VAMP7: variants seen among roughly 807,000 people sequenced by gnomAD.
VAMP7 encodes vesicle associated membrane protein 7, also known as vesicle-associated membrane protein 7.
Under a neutral mutation model 29.6 loss-of-function variants are expected in VAMP7, and 14 were observed. That is an observed-to-expected ratio of 0.47 (90% CI 0.31 to 0.74). The LOEUF (loss-of-function observed/expected upper bound fraction) is 0.74, where lower values mean the gene tolerates loss of function less well. Ranked by LOEUF, VAMP7 falls within the 30% of genes least tolerant of loss-of-function variation. VAMP7 has a pLI of 0.05. For missense variants in VAMP7, 223 were observed against 262.4 expected (o/e 0.85, Z 1.04); for synonymous variants, 95 against 88.1 (o/e 1.08, Z -0.44).
intron 1 of VAMP7, among the ~76,000 whole-genome samples, chrX:155,883,659 A>C (rs1363681501): frequency 6.6e-6 from 1 of 151,668 alleles, no homozygotes; most frequent in African/African-American, 2.4e-5. Context: ...ACCTCTGTTC[A>C]CACAGCATGT....
intron 5 of VAMP7, among the ~76,000 whole-genome samples, 177 bp downstream of exon 5, chrX:155,900,764 C>G (rs2066050652): frequency 6.6e-6 from 1 of 152,068 alleles, no homozygotes; most frequent in African/African-American, 2.4e-5. Context: ...TCTTCTTTGT[C>G]CTTGCAACTA....
At chrX:155,897,663 A>G (rs1049410820) in intron 3 of VAMP7, among the ~76,000 whole-genome samples, 1 of 152,138 alleles carries the variant, frequency 6.6e-6, no homozygotes, top group African/African-American at 2.4e-5. Context: ...CTTTTCAAAT[A>G]TACCACCACT....
At chrX:155,924,020 A>AT (rs1312103712) in intron 6 of VAMP7, among the ~76,000 whole-genome samples, 1 of 152,154 alleles carries the variant, frequency 6.6e-6, no homozygotes, top group Non-Finnish European at 1.5e-5. Flanking sequence ...TATATTTATA[A>AT]TTGAAGTGCT....
intron 5 of VAMP7, among the ~76,000 whole-genome samples, chrX:155,902,603 C>T (rs2066080843): frequency 6.6e-6 from 1 of 151,752 alleles, no homozygotes; most frequent in Non-Finnish European, 1.5e-5. Context: ...TGTCAAAGGC[C>T]TTTTCTGCAT....
intron 3 of VAMP7, among the ~76,000 whole-genome samples, chrX:155,896,172 A>C (rs910047391): frequency 6.6e-6 from 1 of 152,208 alleles, no homozygotes; most frequent in Admixed American, 6.5e-5. Context: ...TAGAGCAGCA[A>C]ATGTTAAGAA....
intron 5 of VAMP7, among the ~76,000 whole-genome samples, chrX:155,906,373 CTG>C (rs2066147629): frequency 6.6e-6 from 1 of 152,122 alleles, no homozygotes. Context: ...CCCCCTCACT[CTG>C]TTCATTGGCC....
chrX:155,939,390 ATTGGAAG>A (rs2066710270), intron 6 of VAMP7, among the ~76,000 whole-genome samples: 1 of 152,160 alleles, frequency 6.6e-6, no homozygotes, highest in Non-Finnish European at 1.5e-5. Flanking sequence ...AGCCTTTCTT[ATTGGAAG>A]TATAGAGAGG....
In VAMP7 at chrX:155,895,657, G is replaced by A. The variant is rs2065977713; in HGVS notation, c.181G>A (p.Val61Ile). ...LFHYICQDRIVYLCITDDDFE... is the reference protein window; with the variant it reads ...LFHYICQDRIIYLCITDDDFE... ...TCATTACATCTGCCAAGACAGGATT[G>A]TATATCTTTGTATCACTGATGATGT... The change falls in exon 3 of 8, where the codon GTA becomes ATA. Residue 61 changes from valine (V) to isoleucine (I), a missense_variant. Physicochemically the swap from Val to Ile is conservative, Grantham distance 29. Transcript: ENST00000286448. 1 of 1,610,082 alleles carries A rather than the reference G, an allele frequency of 6.2e-7. No homozygotes were observed. The highest frequency in any genetic ancestry group is 8.5e-7 in the Non-Finnish European group (1 of 1,176,658).
chrX:155,939,085 C>T (rs2066704894), intron 6 of VAMP7, among the ~76,000 whole-genome samples: 1 of 240 alleles, frequency 4.2e-3, no homozygotes, highest in South Asian at 0.25. Flanking sequence ...TTGCATACAT[C>T]TGTGGGACCA....
In VAMP7 at chrX:155,910,807, C is replaced by T. The variant is rs770292862; in HGVS notation, c.434-9006C>T. On this transcript the variant is annotated intron_variant, in intron 5 of 7. Transcript: ENST00000286448. ...TTTAAGGGGATTATTTGTATATCTCCTGTTGAGTTCATTATATATTCTGGA... is the reference window on the plus strand; with the variant it reads ...TTTAAGGGGATTATTTGTATATCTCTTGTTGAGTTCATTATATATTCTGGA... Among the ~76,000 whole-genome samples the T allele has an allele frequency of 2.6e-5, 4 of 151,918 alleles. No homozygotes were observed. The East Asian group carries it at 7.7e-4, about 29-fold the overall frequency.
At chrX:155,930,956 T>G (rs923768625) in intron 6 of VAMP7, among the ~76,000 whole-genome samples, 1 of 151,928 alleles carries the variant, frequency 6.6e-6, no homozygotes, top group Non-Finnish European at 1.5e-5. Context: ...TGAGAACATG[T>G]GGTGTTTGGT....
chrX:155,928,276 A>G (rs1281558874), intron 6 of VAMP7, among the ~76,000 whole-genome samples: 2 of 152,144 alleles, frequency 1.3e-5, no homozygotes, highest in African/African-American at 2.4e-5. Context: ...AACTTTTTAT[A>G]TATGGTTATT....
rs770972520 is a variant in VAMP7, at chrX:155,889,513, C to T, written c.47C>T (p.Ala16Val). 6.2e-7 allele frequency: 1 copy of T among 1,613,806 alleles called. No individual in the cohort carries two copies. Among genetic ancestry groups the T allele is most frequent in the Non-Finnish European group, 8.5e-7 (1 of 1,179,798 alleles). Reference sequence around the variant, plus strand: ...GTTGCCAGGGGGACCACTATCCTTGCCAAACATGCTTGGTGTGGAGGAAAC... The same window carrying T: ...GTTGCCAGGGGGACCACTATCCTTGTCAAACATGCTTGGTGTGGAGGAAAC... ...AVVARGTTIL[A>V]KHAWCGGNFL... Residue 16 changes from alanine (A) to valine (V), a missense_variant, in exon 2 of 8, where the codon GCC (alanine) becomes GTC (valine). Ala to Val is a moderately conservative substitution (Grantham distance 64). Transcript: ENST00000286448.
At chrX:155,901,979 T>C (rs374889835) in intron 5 of VAMP7, among the ~76,000 whole-genome samples, 2 of 152,074 alleles carry the variant, frequency 1.3e-5, no homozygotes, top group African/African-American at 4.8e-5. Flanking sequence ...GCCATTTTCA[T>C]GATATTGATT....
At chrX:155,885,618 T>C (rs139106578) in intron 1 of VAMP7, among the ~76,000 whole-genome samples, 212 of 151,928 alleles carry the variant, frequency 1.4e-3, no homozygotes, top group African/African-American at 4.9e-3. Flanking sequence ...CATACTGGAG[T>C]AGAGTGGGCC....
chrX:155,941,598 T>C (rs1255914333), intron 7 of VAMP7, among the ~76,000 whole-genome samples: 2 of 152,140 alleles, frequency 1.3e-5, no homozygotes, highest in East Asian at 3.9e-4. Flanking sequence ...GTTGCTCATT[T>C]AGCCTTGATT....
chrX:155,901,179 T>C (rs2066056247), intron 5 of VAMP7, among the ~76,000 whole-genome samples: 1 of 152,048 alleles, frequency 6.6e-6, no homozygotes, highest in Non-Finnish European at 1.5e-5. Flanking sequence ...GTTTTTCTTA[T>C]TTTCTTGAGA....
chrX:155,913,149 T>C (rs779648581), intron 5 of VAMP7, among the ~76,000 whole-genome samples: 28 of 152,312 alleles, frequency 1.8e-4, no homozygotes, highest in South Asian at 8.3e-4. Flanking sequence ...TTTTTTCATA[T>C]GTTTATTGGC....
chrX:155,914,270 A>G (rs1374342452), intron 5 of VAMP7, among the ~76,000 whole-genome samples: 5 of 152,132 alleles, frequency 3.3e-5, no homozygotes, highest in African/African-American at 7.2e-5. Context: ...GGCTGAGACA[A>G]TGGGGTTTTC....
Sources: allele counts gnomAD v4.1 joint callset (sites outside exome capture counted in the v4.1 genomes callset), GRCh38; gene constraint gnomAD v4.1.1; transcripts MANE v1.5; gene names NCBI Gene and HGNC (gene_info 2026-07-23, HGNC 2026-07-21).